The following BMERB1 variants were observed in gnomAD, a reference collection of about 807,000 sequenced individuals.
BMERB1 encodes bMERB domain-containing protein 1.
A neutral mutation model predicts 23.6 loss-of-function variants in BMERB1; 12 were observed. The ratio of observed to expected loss-of-function variants is 0.51; its 90% CI spans 0.33 to 0.82. The LOEUF is 0.82. Among genes scored for constraint, BMERB1 ranks in the 40% least tolerant of loss-of-function variants. BMERB1 has a pLI of 0.03. For synonymous variants in BMERB1, 122 were observed against 96.6 expected (o/e 1.26, Z -1.54); for missense variants, 247 against 255.4 (o/e 0.97, Z 0.22).
intron 1 of BMERB1, among the ~76,000 whole-genome samples, chr16:15,480,989 T>C (rs948016600): frequency 6.6e-6 from 1 of 152,212 alleles, no homozygotes; most frequent in Non-Finnish European, 1.5e-5. Context: ...AGAATTTCAT[T>C]AGAGCATTGT....
rs146098524 is a variant in BMERB1, at chr16:15,534,939, A to AC, written c.230+19513dup. On this transcript the variant is annotated intron_variant, in intron 2 of 5. Coordinates refer to ENST00000300006, the MANE Select transcript of BMERB1 (RefSeq NM_033201.3). The stretch of plus-strand genomic sequence containing the variant: ...TTATCTCCCCAAGATACATATGGGT[A>AC]CCATCTGTCAAGATGCTAGCATTTC... Among the ~76,000 whole-genome samples the AC allele has an allele frequency of 3.3e-3, 500 of 152,366 alleles. 2 individuals carry two copies. Among genetic ancestry groups the AC allele is most frequent in the African/African-American group, 9.7e-3 (405 of 41,586 alleles).
intron 2 of BMERB1, among the ~76,000 whole-genome samples, chr16:15,566,369 C>G (rs1042101859): frequency 6.6e-6 from 1 of 152,194 alleles, no homozygotes; most frequent in Non-Finnish European, 1.5e-5. Flanking sequence ...GAAATTCCTA[C>G]TACAATGTAA....
chr16:15,480,182 G>A (rs1246532929), intron 1 of BMERB1, among the ~76,000 whole-genome samples: 2 of 150,704 alleles, frequency 1.3e-5, no homozygotes, highest in African/African-American at 2.4e-5. Flanking sequence ...ACACGATCTC[G>A]GCTCACTGCA....
intron 2 of BMERB1, among the ~76,000 whole-genome samples, chr16:15,553,388 T>C (rs2030152949): frequency 6.6e-6 from 1 of 152,206 alleles, no homozygotes; most frequent in Non-Finnish European, 1.5e-5. Flanking sequence ...GGCAGGAGGA[T>C]TGCTCTAGCC....
chr16:15,440,105 C>T (rs973926520), intron 1 of BMERB1, among the ~76,000 whole-genome samples: 2 of 151,586 alleles, frequency 1.3e-5, no homozygotes, highest in African/African-American at 4.9e-5. Context: ...ATTAGCCAGG[C>T]GTGGTGATGG....
intron 2 of BMERB1, among the ~76,000 whole-genome samples, chr16:15,550,889 T>G (rs1006341063): frequency 6.6e-6 from 1 of 152,126 alleles, no homozygotes; most frequent in Non-Finnish European, 1.5e-5. Flanking sequence ...ATGATGAGGA[T>G]TCAATGAGAT....
intron 2 of BMERB1, among the ~76,000 whole-genome samples, chr16:15,527,243 T>C (rs1049502113): frequency 1.3e-5 from 2 of 152,152 alleles, no homozygotes; most frequent in Non-Finnish European, 2.9e-5. Flanking sequence ...ATTTTCCCTT[T>C]CCCCTGGCTC....
At chr16:15,438,328 C>A (rs907812255) in intron 1 of BMERB1, among the ~76,000 whole-genome samples, 8 of 151,760 alleles carry the variant, frequency 5.3e-5, no homozygotes, top group African/African-American at 1.7e-4. Flanking sequence ...CTTAGGTGAT[C>A]CACCCACCTC....
intron 2 of BMERB1, among the ~76,000 whole-genome samples, chr16:15,537,444 C>G (rs557520270): frequency 6.6e-6 from 1 of 151,734 alleles, no homozygotes; most frequent in Non-Finnish European, 1.5e-5. Flanking sequence ...AACCTTGTCT[C>G]CCAAGTTCAA....
chr16:15,542,621 C>T (rs1278518550), intron 2 of BMERB1, among the ~76,000 whole-genome samples: 1 of 150,116 alleles, frequency 6.7e-6, no homozygotes, highest in African/African-American at 2.5e-5. Context: ...TAATGAATTA[C>T]CTCCTAGGGA....
chr16:15,494,866 CT>C (rs1202112728), intron 1 of BMERB1, among the ~76,000 whole-genome samples: 10 of 143,142 alleles, frequency 7.0e-5, no homozygotes, highest in Non-Finnish European at 1.1e-4. Flanking sequence ...GGTAAATTTC[CT>C]TTTTTTTATC....
chr16:15,558,077 T>G (rs1214790180), intron 2 of BMERB1, among the ~76,000 whole-genome samples: 1 of 151,942 alleles, frequency 6.6e-6, no homozygotes, highest in Non-Finnish European at 1.5e-5. Flanking sequence ...TGATAAGCAG[T>G]CCAGATGCAG....
At chr16:15,472,641 T>A (rs1428034086) in intron 1 of BMERB1, among the ~76,000 whole-genome samples, 1 of 152,058 alleles carries the variant, frequency 6.6e-6, no homozygotes, top group African/African-American at 2.4e-5. Context: ...ATATTTGAAG[T>A]GAGTTTCTTC....
chr16:15,534,296 A>AG (rs2052001735), intron 2 of BMERB1, among the ~76,000 whole-genome samples: 4 of 123,426 alleles, frequency 3.2e-5, no homozygotes, highest in African/African-American at 1.1e-4. Context: ...CAAAAAAAAA[A>AG]AAAAAAAAAA....
intron 2 of BMERB1, among the ~76,000 whole-genome samples, chr16:15,532,231 G>T (rs1193519468): frequency 6.8e-6 from 1 of 148,116 alleles, no homozygotes; most frequent in Admixed American, 6.7e-5. Context: ...TTGTTTTTTT[G>T]TTTTTTTTGT....
intron 1 of BMERB1, among the ~76,000 whole-genome samples, chr16:15,469,268 C>T (rs927747121): frequency 2.6e-5 from 4 of 152,048 alleles, no homozygotes; most frequent in African/African-American, 7.2e-5. Context: ...ACCCACCCTT[C>T]GCACCTTTGT....
At chr16:15,553,110 C>T (rs1193058150) in intron 2 of BMERB1, among the ~76,000 whole-genome samples, 3 of 152,166 alleles carry the variant, frequency 2.0e-5, no homozygotes, top group Non-Finnish European at 4.4e-5. Flanking sequence ...CAGGTTCAAG[C>T]AATTCTCCTG....
At chr16:15,465,128 C>A (rs1218820054) in intron 1 of BMERB1, among the ~76,000 whole-genome samples, 1 of 152,126 alleles carries the variant, frequency 6.6e-6, no homozygotes, top group Admixed American at 6.6e-5. Context: ...CACATACACA[C>A]ACACACCAAT....
In BMERB1 at chr16:15,434,752, G is replaced by A. The variant is rs145422527; in HGVS notation, c.99G>A (p.Leu33=). The A allele has an allele frequency of 2.9e-6, 4 of 1,396,178 alleles. No homozygotes were observed. Among genetic ancestry groups the A allele is most frequent in the Middle Eastern group, 1.9e-4 (1 of 5,296 alleles). The allele number at this position is 1,396,178 out of a possible 1,614,324, so 86.5% of individuals were successfully genotyped here. A position where few individuals can be genotyped will look rare whatever the true frequency, so the allele number is the denominator to read the frequency against. ...AGACGGCTTGGAAAACGGAGAGACT[G>A]GGGAGAAGTGAGTACTGGGGCGGGG... ...VEETAWKTER[L]GRNQLDIISM... Residue 33 remains leucine, a synonymous_variant, in exon 1 of 6, where the codon CTG becomes CTA. Coordinates refer to ENST00000300006, the MANE Select transcript of BMERB1 (RefSeq NM_033201.3).
Sources: gnomAD v4.1 joint callset for allele counts (sites outside exome capture counted in the v4.1 genomes callset) on GRCh38, gnomAD v4.1.1 for gene constraint, MANE v1.5 for transcripts, NCBI Gene and HGNC (gene_info 2026-07-23, HGNC 2026-07-21) for gene names.